The following AIFM3 variants were observed in gnomAD, a reference collection of about 807,000 sequenced individuals.
AIFM3 encodes AIF family member 3, also known as apoptosis-inducing factor 3.
A neutral mutation model predicts 82.7 loss-of-function variants in AIFM3; 71 were observed. The observed-to-expected ratio is 0.86, with a 90% CI of 0.71 to 1.05. The LOEUF (loss-of-function observed/expected upper bound fraction) is 1.05. AIFM3 is among the 50% of genes least tolerant of loss of function. The probability of loss-of-function intolerance (pLI) is 0.00; values close to 1 mark genes in which losing one functional copy is unlikely to be tolerated. For synonymous variants in AIFM3, 337 were observed against 329.1 expected (o/e 1.02, Z -0.26); for missense variants, 748 against 816.7 (o/e 0.92, Z 1.03).
chr22:20,977,341 C>A (rs559644474), intron 14 of AIFM3: 6 of 610,688 alleles, frequency 9.8e-6, no homozygotes, highest in Non-Finnish European at 1.7e-5. Context: ...CCATGCCCTG[C>A]GAGAGTTGAC....
At chr22:20,977,156 G>A in intron 14 of AIFM3, 61 bp downstream of exon 14, 21 of 1,607,000 alleles carry the variant, frequency 1.3e-5, no homozygotes, top group Non-Finnish European at 1.8e-5. Context: ...ATGCTCACAT[G>A]TGACCTTGGG....
intron 6 of AIFM3, 109 bp from the exon 7 acceptor site, chr22:20,974,416 G>A: frequency 6.4e-7 from 1 of 1,560,250 alleles, no homozygotes; most frequent in Non-Finnish European, 8.7e-7. Context: ...CTGGAGCAGA[G>A]TGAGGGGTTG....
At position 20,973,435 on chromosome 22, in the gene AIFM3, C is replaced by G. The variant is rs142848384; in HGVS notation, c.160C>G (p.Arg54Gly). 1.0e-4 allele frequency: 169 copies of G among 1,613,022 alleles called. No homozygotes were observed. Among genetic ancestry groups the G allele is most frequent in the Non-Finnish European group, 1.3e-4 (154 of 1,179,994 alleles). ...GGCCCGCCACTTCCACACGGAGGAG[C>G]GCCTGTCCACCCCTCACCCCTACCC... ...GTARHFHTEE[R>G]LSTPHPYPSP... Residue 54 changes from arginine (R) to glycine (G), a missense_variant, in exon 3 of 21, where the codon CGC becomes GGC. This residue lies in a region of AIFM3 where 148 missense variants were observed against 134.1 expected (regional missense o/e 1.10). Coordinates refer to ENST00000440238, the MANE Select transcript of AIFM3 (RefSeq NM_001386814.1).
intron 9 of AIFM3, 130 bp downstream of exon 9, chr22:20,975,908 C>T: frequency 1.9e-6 from 2 of 1,054,090 alleles, no homozygotes; most frequent in East Asian, 2.6e-5. Context: ...GGGAGGTGCT[C>T]CAGGCTTGGG....
In AIFM3 at chr22:20,974,762, C is replaced by A. The variant is rs775433268; in HGVS notation, c.666C>A (p.Ile222=). The A allele has an allele frequency of 1.1e-5, 18 of 1,613,644 alleles. No homozygotes were observed. Among genetic ancestry groups the A allele is most frequent in the Non-Finnish European group, 1.5e-5 (18 of 1,179,952 alleles). The stretch of plus-strand genomic sequence containing the variant: ...GGCAGGAGGGCTTCTCCGACCGGAT[C>A]GTCCTGTGCACGCTAGACCGGCACC... ...TLRQEGFSDR[I]VLCTLDRHLP... is the part of the protein sequence containing the mutation. The change falls in exon 8 of 21, where the codon ATC becomes ATA. Residue 222 remains isoleucine, a synonymous_variant. Transcript: ENST00000440238.
At chr22:20,978,872 C>T (rs957756852) in intron 16 of AIFM3, among the ~76,000 whole-genome samples, 9 of 152,028 alleles carry the variant, frequency 5.9e-5, no homozygotes, top group African/African-American at 2.2e-4. Context: ...ACACTGGTCT[C>T]TTTGGGGCCT....
chr22:20,980,696 C>T lies in AIFM3; in HGVS notation c.1758-51C>T, dbSNP rs555139072. ...GACCAGAAGGGGACATGATAAATGACATGCTCTCTCCTTGGCCTTCTCTCC... is the reference window on the plus strand; with the variant it reads ...GACCAGAAGGGGACATGATAAATGATATGCTCTCTCCTTGGCCTTCTCTCC... On this transcript the variant is annotated intron_variant, in intron 19 of 20. Transcript: ENST00000440238. 4 of 1,613,134 alleles carry T rather than the reference C, an allele frequency of 2.5e-6. No homozygotes were observed. The South Asian group carries it at 3.3e-5, about 13-fold the overall frequency.
At position 20,977,077 on chromosome 22, in the gene AIFM3, G is replaced by A. The variant is rs774742086; in HGVS notation, c.1264G>A (p.Val422Ile). 4.5e-5 allele frequency: 73 copies of A among 1,614,018 alleles called. No individual in the cohort carries two copies. The highest frequency in any genetic ancestry group is 5.5e-5 in the Non-Finnish European group (65 of 1,180,030). ...LKSSKVVRAD[V>I]CVVGIGAVPA... The stretch of plus-strand genomic sequence containing the variant: ...GAGCAGCAAGGTCGTGCGGGCTGAC[G>A]TCTGCGTGGTGGGCATTGGTGAGTT... The change falls in exon 14 of 21, where the codon GTC (valine) becomes ATC (isoleucine). Residue 422 changes from valine (V) to isoleucine (I), a missense_variant. By Grantham distance (29) the Val-to-Ile change is conservative (BLOSUM62 3). Transcript: ENST00000440238.
chr22:20,968,248 A>G (rs954092489), intron 2 of AIFM3, among the ~76,000 whole-genome samples: 36 of 152,234 alleles, frequency 2.4e-4, no homozygotes, highest in African/African-American at 8.7e-4. Context: ...TTGGAAAAGG[A>G]AAGTCAGGGT....
chr22:20,974,065 G>C lies in AIFM3; in HGVS notation c.358G>C (p.Val120Leu). The part of the protein sequence containing the change: ...PHYGAPLVKG[V>L]LSRGRVRCPW... ...AGCCTAACACCTCCCCTTCCCAGGC[G>C]TTCTGTCCCGTGGTCGGGTGCGCTG... is the stretch of plus-strand genomic sequence containing the variant. The change falls in exon 5 of 21, where the codon GTT (valine) becomes CTT (leucine). Residue 120 changes from valine (V) to leucine (L), a missense_variant and splice_region_variant. Around this residue, in one of 5 missense-constraint regions of AIFM3, gnomAD observed 148 missense variants for 134.1 expected, o/e 1.10. Coordinates refer to ENST00000440238, the MANE Select transcript of AIFM3 (RefSeq NM_001386814.1). 6.2e-7 allele frequency: 1 copy of C among 1,606,476 alleles called. No homozygotes were observed. The highest frequency in any genetic ancestry group is 1.1e-5 in the South Asian group (1 of 89,786).
At chr22:20,980,209 C>T in intron 19 of AIFM3, 85 bp downstream of exon 19, 2 of 1,280,954 alleles carry the variant, frequency 1.6e-6, no homozygotes, top group Non-Finnish European at 2.2e-6. Context: ...GCCGCCCCCA[C>T]AACCCTCCAG....
rs186295000 is a variant in AIFM3 at position 20,976,905 on chromosome 22, G to A, written c.1185G>A (p.Thr395=). Residue 395 remains threonine (T), a synonymous_variant, in exon 13 of 21, where the codon ACG becomes ACA. Coordinates refer to ENST00000440238, the MANE Select transcript of AIFM3 (RefSeq NM_001386814.1). ...ENNRVKFYMQ[T]EVSELRGQEG... ...ACCGGGTGAAGTTCTACATGCAGAC[G>A]GAGGTGTCTGAGCTGCGGGGCCAGG... 7.3e-5 allele frequency: 117 copies of A among 1,609,254 alleles called. No homozygotes were observed. Among genetic ancestry groups the A allele is most frequent in the Non-Finnish European group, 2.9e-5 (34 of 1,176,592 alleles).
At chr22:20,971,442 C>G (rs916205876) in intron 2 of AIFM3, among the ~76,000 whole-genome samples, 1 of 152,026 alleles carries the variant, frequency 6.6e-6, no homozygotes, top group Non-Finnish European at 1.5e-5. Flanking sequence ...GGGGAGGGGA[C>G]CTGGCCAGCG....
In AIFM3 at chr22:20,977,929, T is replaced by C. The variant is rs202070098; in HGVS notation, c.1401T>C (p.Asp467=). 12 of 1,614,198 alleles carry C rather than the reference T, an allele frequency of 7.4e-6. No individual in the cohort carries two copies. Among genetic ancestry groups the C allele is most frequent in the South Asian group, 6.6e-5 (6 of 91,088 alleles). Residue 467 remains aspartate (D), a synonymous_variant, in exon 16 of 21, where the codon GAT becomes GAC. Transcript: ENST00000440238. The part of the protein sequence containing the change: ...TNVPGVFAAG[D]AVTFPLAWRN... The stretch of plus-strand genomic sequence containing the variant: ...TCCCAGGCGTGTTTGCAGCTGGCGA[T>C]GCTGTCACCTTCCCCCTTGCCTGGA...
chr22:20,973,800 G>A lies in AIFM3; in HGVS notation c.288G>A (p.Val96=). The part of the protein sequence containing the change: ...VELGWGKVLL[V]KDNGEFHALG... ...TGGGCTGGGGGAAGGTGTTGCTGGT[G>A]AAGGACAATGGGGAGTTCCACGCCC... Residue 96 remains valine (V), a synonymous_variant, in exon 4 of 21, where the codon GTG becomes GTA. Transcript: ENST00000440238. 6.3e-7 allele frequency: 1 copy of A among 1,583,750 alleles called. No homozygotes were observed. Among genetic ancestry groups the A allele is most frequent in the Non-Finnish European group, 8.6e-7 (1 of 1,164,926 alleles).
chr22:20,978,120 G>A (rs744931), intron 16 of AIFM3, 115 bp downstream of exon 16: 514,713 of 985,746 alleles, frequency 0.52, 135,004 homozygotes, highest in South Asian at 0.55. Flanking sequence ...AGGCATCAAA[G>A]CTCTGATGTG....
In AIFM3 at chr22:20,973,738, T is replaced by C. The variant is rs368305581; in HGVS notation, c.246-20T>C. 138 of 1,527,342 alleles carry C rather than the reference T, an allele frequency of 9.0e-5. No individual in the cohort carries two copies. The Middle Eastern group carries it at 4.7e-3, about 52-fold the overall frequency. 94.6% of individuals were successfully genotyped at this position (1,527,342 alleles called of 1,614,324 possible). ...TGTGCCTGGTGTCTGGCCTGACCTCTGAGTGCTGCGGTTCCCCAGGATGCG... is the reference window on the plus strand; with the variant it reads ...TGTGCCTGGTGTCTGGCCTGACCTCCGAGTGCTGCGGTTCCCCAGGATGCG... On this transcript the variant is annotated intron_variant, in intron 3 of 20. Coordinates refer to ENST00000440238, the MANE Select transcript of AIFM3 (RefSeq NM_001386814.1).
At chr22:20,965,742 G>T (rs1043381013), upstream of AIFM3, among the ~76,000 whole-genome samples, 2 of 151,864 alleles carry the variant, frequency 1.3e-5, no homozygotes, top group African/African-American at 2.4e-5. Context: ...GTGGAGGAGT[G>T]GGGAGAGGAC....
intron 19 of AIFM3, chr22:20,980,507 T>C: frequency 1.6e-6 from 1 of 611,604 alleles, no homozygotes. Context: ...ACATAGATGG[T>C]GGGGGTGGTT....
Sources: allele counts gnomAD v4.1 joint callset (sites outside exome capture counted in the v4.1 genomes callset), GRCh38; gene constraint gnomAD v4.1.1; regional missense constraint gnomAD v4.1.1; transcripts MANE v1.5; gene names NCBI Gene and HGNC (gene_info 2026-07-23, HGNC 2026-07-21).